The following DDB1 variants were observed in gnomAD, a reference collection of about 807,000 sequenced individuals.
DDB1 encodes the protein damage specific DNA binding protein 1, also known as DNA damage-binding protein 1.
In DDB1, 18 loss-of-function variants were observed where a neutral mutation model predicts 133.1. That is an observed-to-expected ratio of 0.14 (90% CI 0.09 to 0.20). DDB1 has a LOEUF of 0.20. Among genes scored for constraint, DDB1 ranks in the 10% least tolerant of loss-of-function variants. The pLI is 1.00. For missense variants in DDB1, 828 were observed against 1,459.2 expected (o/e 0.57, Z 7.05); for synonymous variants, 580 against 550.5 (o/e 1.05, Z -0.75).
At chr11:61,305,892 C>G (rs1184285914) in intron 21 of DDB1, among the ~76,000 whole-genome samples, 1 of 152,088 alleles carries the variant, frequency 6.6e-6, no homozygotes, top group Non-Finnish European at 1.5e-5. Context: ...AAAATACACA[C>G]CAGATTTTGA....
intron 8 of DDB1, 92 bp downstream of exon 8, chr11:61,322,919 G>T: frequency 2.0e-6 from 2 of 985,652 alleles, no homozygotes; most frequent in South Asian, 1.6e-5. Context: ...GGATAAAATG[G>T]AGAGATTCTG....
chr11:61,314,823 CTTT>C (rs549452269), intron 12 of DDB1: 32 of 81,170 alleles, frequency 3.9e-4, no homozygotes, highest in Middle Eastern at 0.021. Flanking sequence ...AGTTTTTTGG[CTTT>C]TTTTTTTTTT....
At position 61,313,931 on chromosome 11, in the gene DDB1, T is replaced by C; in HGVS notation, c.1792A>G (p.Ser598Gly). The change falls in exon 15 of 27, where the codon AGT (serine) becomes GGT (glycine). Residue 598 changes from serine (S) to glycine (G), a missense_variant. Around this residue, in one of 7 missense-constraint regions of DDB1, gnomAD observed 396 missense variants for 554.1 expected, o/e 0.71. Transcript: ENST00000301764. ...AAGGCACAAAGGAGGTAATGGCTAC[T>C]CTCAAAGGTGGTCATCAGGATGGAG... is the stretch of plus-strand genomic sequence containing the variant. The part of the protein sequence containing the change: ...PRSILMTTFE[S>G]SHYLLCALGD... 1 of 1,614,170 alleles carries C rather than the reference T, an allele frequency of 6.2e-7. No homozygotes were observed. The highest frequency in any genetic ancestry group is 8.5e-7 in the Non-Finnish European group (1 of 1,180,030).
chr11:61,310,754 G>A (rs910550666), intron 18 of DDB1: 5 of 189,110 alleles, frequency 2.6e-5, no homozygotes, highest in African/African-American at 7.0e-5. Context: ...AAAAACAGAA[G>A]CCATGAAGAC....
chr11:61,314,245 C>T (rs759191491), intron 13 of DDB1, 35 bp from the exon 14 acceptor site: 3 of 1,591,228 alleles, frequency 1.9e-6, no homozygotes, highest in Admixed American at 3.5e-5. Flanking sequence ...GGAAGGAATC[C>T]AAGGCTCAAA....
rs117147037 is a variant in DDB1, at chr11:61,322,610, G to T, written c.1006-198C>A. 1.1e-3 allele frequency: 618 copies of T among 579,728 alleles called. 10 individuals are homozygous for T. In the East Asian group the frequency reaches 0.013, roughly 13 times the overall value. The allele number at this position is 579,728 out of a possible 1,614,324, so 35.9% of individuals were successfully genotyped here. ...CACAGGTGACCCATTAATCAGCCAAGGATTGCTGACCTAGAGTCCATGGAT... is the reference window on the plus strand; with the variant it reads ...CACAGGTGACCCATTAATCAGCCAATGATTGCTGACCTAGAGTCCATGGAT... On this transcript the variant is annotated intron_variant, in intron 8 of 26. Coordinates refer to ENST00000301764, the MANE Select transcript of DDB1 (RefSeq NM_001923.5).
chr11:61,308,943 T>C (rs1855917204), intron 21 of DDB1, 40 bp downstream of exon 21: 6 of 1,593,768 alleles, frequency 3.8e-6, no homozygotes, highest in South Asian at 2.2e-5. Context: ...CAGACAATGA[T>C]GGGCAGCCTA....
chr11:61,331,718 G>C, intron 1 of DDB1, 27 bp from the exon 2 acceptor site: 1 of 1,612,406 alleles, frequency 6.2e-7, no homozygotes, highest in South Asian at 1.1e-5. Context: ...TCTAACTTTT[G>C]AACTCAGGGG....
intron 12 of DDB1, 161 bp downstream of exon 12, chr11:61,316,124 T>C (rs1856061236): frequency 6.2e-6 from 4 of 640,380 alleles, no homozygotes; most frequent in Non-Finnish European, 1.1e-5. Context: ...GGTTAAGAGT[T>C]GTGATCTCTG....
At chr11:61,305,186 G>C (rs1855864930) in intron 21 of DDB1, among the ~76,000 whole-genome samples, 1 of 152,160 alleles carries the variant, frequency 6.6e-6, no homozygotes, top group Non-Finnish European at 1.5e-5. Context: ...TAGCTACACA[G>C]GAATATATTC....
intron 7 of DDB1, 31 bp downstream of exon 7, chr11:61,323,948 A>T (rs750886091): frequency 6.2e-7 from 1 of 1,613,230 alleles, no homozygotes; most frequent in South Asian, 1.1e-5. Flanking sequence ...CTAAAAGAAC[A>T]TTGTAGAGGA....
chr11:61,315,466 G>A (rs1856047927), intron 12 of DDB1: 1 of 152,176 alleles, frequency 6.6e-6, no homozygotes, highest in African/African-American at 2.4e-5. Context: ...TCCCACACTT[G>A]GTCTGCAAAC....
In DDB1 at chr11:61,299,745, A is replaced by C. The variant is rs1855760676; in HGVS notation, c.*391T>G. On this transcript the variant is annotated 3_prime_UTR_variant, in exon 27 of 27. Transcript: ENST00000301764. ...CACAACTCCCTACACTGCCAATCTA[A>C]ATAAAAAGAGGACAATGCATGAGTG... is the stretch of plus-strand genomic sequence containing the variant. 4.1e-6 allele frequency: 1 copy of C among 246,612 alleles called. No homozygotes were observed. The highest frequency in any genetic ancestry group is 1.0e-4 in the East Asian group (1 of 9,730). The allele number at this position is 246,612 out of a possible 1,614,324, so 15.3% of individuals were successfully genotyped here.
chr11:61,307,179 T>C (rs1331192237), intron 21 of DDB1, among the ~76,000 whole-genome samples: 1 of 152,240 alleles, frequency 6.6e-6, no homozygotes, highest in Non-Finnish European at 1.5e-5. Flanking sequence ...TTTCCCAGCT[T>C]GAAAAATTAA....
chr11:61,300,517 T>C (rs1018266775), intron 26 of DDB1, among the ~76,000 whole-genome samples: 19 of 152,226 alleles, frequency 1.2e-4, no homozygotes, highest in Non-Finnish European at 2.6e-4. Context: ...ATCCTGACCC[T>C]GCCTCCCACC....
At chr11:61,321,868 G>A (rs185824230) in intron 9 of DDB1, 171 bp from the exon 10 acceptor site, 9 of 622,130 alleles carry the variant, frequency 1.4e-5, no homozygotes, top group African/African-American at 5.5e-5. Context: ...CAAATTTACA[G>A]AGCAGACAGG....
chr11:61,300,825 A>G lies in DDB1; in HGVS notation c.3323T>C (p.Val1108Ala), dbSNP rs1418395451. ...LDISRPKMQE[V>A]VANLQYDDGS... is the part of the protein sequence containing the mutation. ...ACAGCTCACCTGTAGGTTTGCCACCACCTCCTGCATCTTGGGGCGGCTAAT... is the reference window on the plus strand; with the variant it reads ...ACAGCTCACCTGTAGGTTTGCCACCGCCTCCTGCATCTTGGGGCGGCTAAT... The change falls in exon 26 of 27, where the codon GTG becomes GCG. Residue 1108 changes from valine to alanine, a missense_variant. By Grantham distance (64) the Val-to-Ala change is moderately conservative (BLOSUM62 0). Transcript: ENST00000301764. The G allele has an allele frequency of 1.2e-6, 2 of 1,614,082 alleles. No individual in the cohort carries two copies. The highest frequency in any genetic ancestry group is 3.3e-5 in the Admixed American group (2 of 60,012).
At position 61,299,827 on chromosome 11, in the gene DDB1, G is replaced by A. The variant is rs1004667095; in HGVS notation, c.*309C>T. The A allele has an allele frequency of 1.1e-5, 5 of 456,538 alleles. No individual in the cohort carries two copies. Among genetic ancestry groups the A allele is most frequent in the South Asian group, 8.6e-5 (4 of 46,562 alleles). 28.3% of individuals were successfully genotyped at this position (456,538 alleles called of 1,614,324 possible). A position where few individuals can be genotyped will look rare whatever the true frequency, so the allele number is the denominator to read the frequency against. On this transcript the variant is annotated 3_prime_UTR_variant, in exon 27 of 27. Coordinates refer to ENST00000301764, the MANE Select transcript of DDB1 (RefSeq NM_001923.5). Reference sequence around the variant, plus strand: ...CACACACACGCACAGCTTCCTTTCAGCCAAAGAACTGCAAAATCCTTCCCC... The same window carrying A: ...CACACACACGCACAGCTTCCTTTCAACCAAAGAACTGCAAAATCCTTCCCC...
chr11:61,300,296 T>C, intron 26 of DDB1, 77 bp from the exon 27 acceptor site: 1 of 1,412,698 alleles, frequency 7.1e-7, no homozygotes, highest in Non-Finnish European at 9.9e-7. Context: ...ATGCCCCCAG[T>C]GAAGGAGGCA....
Sources: allele counts gnomAD v4.1 joint callset (sites outside exome capture counted in the v4.1 genomes callset), GRCh38; gene constraint gnomAD v4.1.1; regional missense constraint gnomAD v4.1.1; transcripts MANE v1.5; gene names NCBI Gene and HGNC (gene_info 2026-07-23, HGNC 2026-07-21).